Variants in TMEM200A observed in about 807,000 individuals in gnomAD.
TMEM200A encodes the protein two transmembrane C.
TMEM200A carries 12 observed loss-of-function variants against 24.3 expected under a neutral mutation model. The ratio of observed to expected loss-of-function variants is 0.49; its 90% CI spans 0.32 to 0.80. The LOEUF is 0.80. Ranked by LOEUF, TMEM200A falls within the 30% of genes least tolerant of loss-of-function variation. TMEM200A has a pLI of 0.04. For missense variants in TMEM200A, 545 were observed against 614.4 expected (o/e 0.89, Z 1.19); for synonymous variants, 224 against 224.4 (o/e 1.00, Z 0.02).
chr6:130,374,848 A>T (rs924652397), intron 1 of TMEM200A, among the ~76,000 whole-genome samples: 1 of 152,192 alleles, frequency 6.6e-6, no homozygotes, highest in Non-Finnish European at 1.5e-5. Flanking sequence ...AAATTCAACC[A>T]CATCACAGTA....
intron 2 of TMEM200A, among the ~76,000 whole-genome samples, chr6:130,401,616 G>A (rs534093290): frequency 2.0e-5 from 3 of 151,300 alleles, no homozygotes; most frequent in South Asian, 4.2e-4. Flanking sequence ...AAATAATTTT[G>A]TATATTTAAT....
chr6:130,374,518 C>T (rs924574488), intron 1 of TMEM200A, among the ~76,000 whole-genome samples: 6 of 151,736 alleles, frequency 4.0e-5, no homozygotes, highest in Non-Finnish European at 5.9e-5. Flanking sequence ...CAGGTTCAAG[C>T]GATTTTCCTC....
At chr6:130,439,073 GAA>G (rs1276837968) in intron 2 of TMEM200A, 10 of 152,322 alleles carry the variant, frequency 6.6e-5, no homozygotes, top group African/African-American at 2.4e-4. Context: ...AAATTAAAGA[GAA>G]GAGTTAGAGA....
At chr6:130,438,374 A>G (rs893435195) in intron 2 of TMEM200A, 16 of 152,234 alleles carry the variant, frequency 1.1e-4, no homozygotes, top group African/African-American at 3.6e-4. Flanking sequence ...ATAGAAATTC[A>G]AAAGGAGAGC....
At chr6:130,428,694 T>C (rs1201222122) in intron 2 of TMEM200A, among the ~76,000 whole-genome samples, 1 of 152,208 alleles carries the variant, frequency 6.6e-6, no homozygotes, top group Non-Finnish European at 1.5e-5. Context: ...CTGGAGGCAC[T>C]AAGTGATACA....
intron 2 of TMEM200A, among the ~76,000 whole-genome samples, chr6:130,391,301 C>T (rs1165205141): frequency 6.6e-6 from 1 of 152,080 alleles, no homozygotes; most frequent in East Asian, 1.9e-4. Context: ...TGTTCTGGAC[C>T]AAAAAGACAA....
intron 1 of TMEM200A, chr6:130,382,134 A>G (rs936349273): frequency 1.6e-5 from 4 of 252,592 alleles, no homozygotes; most frequent in Admixed American, 1.3e-4. Context: ...CCTAAGAGCT[A>G]TGAAACCTTG....
chr6:130,411,914 T>C (rs1289565262), intron 2 of TMEM200A, among the ~76,000 whole-genome samples: 1 of 152,228 alleles, frequency 6.6e-6, no homozygotes, highest in African/African-American at 2.4e-5. Flanking sequence ...GTAAATATCT[T>C]GTTCCTTATT....
Position 130,442,818 on chromosome 6 carries a change from G to T in TMEM200A, c.*920G>T, listed in dbSNP as rs765159269. 1 of 166,592 alleles carries T rather than the reference G, an allele frequency of 6.0e-6. No individual in the cohort carries two copies. Among genetic ancestry groups the T allele is most frequent in the Admixed American group, 6.6e-5 (1 of 15,244 alleles). The allele number at this position is 166,592 out of a possible 1,614,324, so 10.3% of individuals were successfully genotyped here. On this transcript the variant is annotated 3_prime_UTR_variant, in exon 3 of 3. Transcript: ENST00000296978. ...TCATTCCCACATTCTATTTTCCCCC[G>T]GTATTCTTTAGATCCTAGTATTTGG... is the stretch of plus-strand genomic sequence containing the variant.
chr6:130,416,282 GATTAA>G (rs921736253), intron 2 of TMEM200A, among the ~76,000 whole-genome samples: 117 of 152,002 alleles, frequency 7.7e-4, no homozygotes, highest in African/African-American at 2.6e-3. Context: ...CTTATTAGTG[GATTAA>G]ATTTTTAGTT....
chr6:130,420,571 G>A (rs774938289), intron 2 of TMEM200A, among the ~76,000 whole-genome samples: 5 of 152,108 alleles, frequency 3.3e-5, no homozygotes, highest in Non-Finnish European at 5.9e-5. Flanking sequence ...TTGGGAAATT[G>A]CAATTAAACA....
At chr6:130,438,886 A>C (rs1458622162) in intron 2 of TMEM200A, 1 of 152,266 alleles carries the variant, frequency 6.6e-6, no homozygotes, top group East Asian at 1.9e-4. Context: ...CTTTATAAAG[A>C]AAGTGGAATA....
intron 2 of TMEM200A, among the ~76,000 whole-genome samples, chr6:130,413,637 T>C (rs6569682): frequency 0.49 from 74,454 of 152,016 alleles, 22,306 homozygotes; most frequent in African/African-American, 0.85. Context: ...ACCAACATCC[T>C]TCACCTGGTC....
chr6:130,441,145 TCTTATGCCCC>T lies in TMEM200A; in HGVS notation c.727_736del (p.Met243CysfsTer47). On this transcript the variant is annotated frameshift_variant, in exon 3 of 3. Transcript: ENST00000296978. LOFTEE classifies it high-confidence loss of function. ...TAAATGAAGGTAAGAGTTCTGGGCA[TCTTATGCCCC>T]CTTTGCTCTCTGACAGCTCTGTGTC... 6.2e-7 allele frequency: 1 copy of T among 1,614,076 alleles called. No homozygotes were observed. Among genetic ancestry groups the T allele is most frequent in the Non-Finnish European group, 8.5e-7 (1 of 1,179,994 alleles).
At chr6:130,374,100 A>G (rs1020691966) in intron 1 of TMEM200A, among the ~76,000 whole-genome samples, 1 of 152,210 alleles carries the variant, frequency 6.6e-6, no homozygotes. Context: ...TTTGAAAGCC[A>G]GTGTTATACA....
At chr6:130,421,565 TCTA>T (rs1329064538) in intron 2 of TMEM200A, among the ~76,000 whole-genome samples, 3 of 151,382 alleles carry the variant, frequency 2.0e-5, no homozygotes, top group Admixed American at 6.6e-5. Flanking sequence ...ACACTTAAGA[TCTA>T]CTCTTAGCAA....
chr6:130,393,096 T>C (rs1026795524), intron 2 of TMEM200A, among the ~76,000 whole-genome samples: 4 of 152,200 alleles, frequency 2.6e-5, no homozygotes, highest in African/African-American at 9.6e-5. Flanking sequence ...AAATTGTGAA[T>C]GAAGAAACCA....
chr6:130,400,618 G>C (rs983874322), intron 2 of TMEM200A, among the ~76,000 whole-genome samples: 1 of 151,734 alleles, frequency 6.6e-6, no homozygotes, highest in African/African-American at 2.4e-5. Context: ...TTTCTGCTGG[G>C]TTTTGAGGGG....
intron 1 of TMEM200A, among the ~76,000 whole-genome samples, chr6:130,369,058 C>T (rs56264223): frequency 0.24 from 35,945 of 152,012 alleles, 5,682 homozygotes; most frequent in African/African-American, 0.45. Flanking sequence ...GCTGGAGGGT[C>T]TTGCTAGTTG....
Sources: allele counts gnomAD v4.1 joint callset (sites outside exome capture counted in the v4.1 genomes callset), GRCh38; gene constraint gnomAD v4.1.1; transcripts MANE v1.5; gene names NCBI Gene and HGNC (gene_info 2026-07-23, HGNC 2026-07-21).